Variants in CPA6 observed in about 807,000 individuals in gnomAD.
The protein encoded by CPA6 is carboxypeptidase B.
In CPA6, 58 loss-of-function variants were observed where a neutral mutation model predicts 63.3. The observed-to-expected ratio is 0.92, with a 90% CI of 0.74 to 1.14. The LOEUF is 1.14. Ranked by LOEUF, CPA6 falls within the 50% of genes most tolerant of loss-of-function variation. The probability of loss-of-function intolerance (pLI) is 0.00; values close to 1 mark genes in which losing one functional copy is unlikely to be tolerated. For missense variants in CPA6, 565 were observed against 526.6 expected, an observed-to-expected ratio of 1.07 and a Z score of -0.71; for synonymous variants, 185 against 179.0, an observed-to-expected ratio of 1.03 and a Z score of -0.27.
At chr8:67,564,266 A>C (rs1380031469) in intron 2 of CPA6, among the ~76,000 whole-genome samples, 1 of 152,174 alleles carries the variant, frequency 6.6e-6, no homozygotes, top group Non-Finnish European at 1.5e-5. Context: ...AGAGGTCTAT[A>C]GTGGTAAAAC....
intron 2 of CPA6, among the ~76,000 whole-genome samples, chr8:67,548,132 CCTCT>C (rs1384248871): frequency 1.7e-3 from 78 of 46,598 alleles, no homozygotes; most frequent in African/African-American, 4.3e-3. Flanking sequence ...TCCCTCCCTT[CCTCT>C]CTCTCTCTCT....
intron 2 of CPA6, among the ~76,000 whole-genome samples, chr8:67,555,349 C>A (rs1158594298): frequency 6.6e-6 from 1 of 152,158 alleles, no homozygotes. Context: ...ATGATTTAAT[C>A]AATCACGTCT....
chr8:67,499,713 A>G (rs1811794465), intron 6 of CPA6, among the ~76,000 whole-genome samples: 1 of 152,154 alleles, frequency 6.6e-6, no homozygotes, highest in Non-Finnish European at 1.5e-5. Flanking sequence ...TAATTTTGTC[A>G]TTTAGAGAAC....
chr8:67,439,990 C>T (rs778549359), intron 8 of CPA6, among the ~76,000 whole-genome samples: 7 of 152,140 alleles, frequency 4.6e-5, no homozygotes, highest in Non-Finnish European at 1.0e-4. Flanking sequence ...GTAGATATTC[C>T]AGATGTCTAC....
intron 2 of CPA6, among the ~76,000 whole-genome samples, chr8:67,549,966 T>C (rs2380415): frequency 0.53 from 81,286 of 152,146 alleles, 25,766 homozygotes; most frequent in East Asian, 0.72. Flanking sequence ...AAGTATCTCT[T>C]TGAGATCCTG....
Position 67,449,584 on chromosome 8 carries a change from T to A in CPA6, c.839-15344A>T, listed in dbSNP as rs1337832309. 2.0e-5 allele frequency among the ~76,000 whole-genome samples: 3 copies of A among 152,188 alleles called. No individual in the cohort carries two copies. The East Asian group carries it at 5.8e-4, about 29-fold the overall frequency. ...GGGAGGATTTTATTATATTGAGTCG[T>A]CCTATCCAAGGACAGTTTTATGCCG... On this transcript the variant is annotated intron_variant, in intron 8 of 10. Coordinates refer to ENST00000297770, the MANE Select transcript of CPA6 (RefSeq NM_020361.5).
intron 1 of CPA6, among the ~76,000 whole-genome samples, chr8:67,662,587 GTATA>G (rs1415192549): frequency 1.8e-5 from 2 of 113,172 alleles, no homozygotes; most frequent in Non-Finnish European, 3.4e-5. Flanking sequence ...ACATGTATAT[GTATA>G]TATAGAATAC....
At chr8:67,508,337 ATTGGG>A (rs1811975572) in intron 5 of CPA6, among the ~76,000 whole-genome samples, 1 of 152,116 alleles carries the variant, frequency 6.6e-6, no homozygotes, top group Admixed American at 6.6e-5. Context: ...ATGTTTCTGA[ATTGGG>A]AGGAGAGGGA....
At chr8:67,509,434 A>G (rs539008510) in intron 5 of CPA6, 83 bp downstream of exon 5, 1 of 660,520 alleles carries the variant, frequency 1.5e-6, no homozygotes, top group East Asian at 2.8e-5. Flanking sequence ...AGATCATTTC[A>G]TTTCTTTTCC....
chr8:67,448,193 C>G (rs1471965616), intron 8 of CPA6, among the ~76,000 whole-genome samples: 2 of 152,236 alleles, frequency 1.3e-5, no homozygotes, highest in African/African-American at 2.4e-5. Context: ...AGCTATTAAT[C>G]TTTTCCTTAC....
chr8:67,593,204 T>C (rs1425132368), intron 2 of CPA6, among the ~76,000 whole-genome samples: 6 of 150,750 alleles, frequency 4.0e-5, no homozygotes, highest in Non-Finnish European at 7.4e-5. Flanking sequence ...TTTGAGTGAG[T>C]TTCTTAATCC....
intron 2 of CPA6, among the ~76,000 whole-genome samples, chr8:67,545,893 A>G (rs1330445353): frequency 6.6e-6 from 1 of 151,970 alleles, no homozygotes; most frequent in Non-Finnish European, 1.5e-5. Context: ...GCAGCCACCT[A>G]CTGAAAAATC....
At chr8:67,602,808 C>A (rs1814530001) in intron 2 of CPA6, among the ~76,000 whole-genome samples, 1 of 152,176 alleles carries the variant, frequency 6.6e-6, no homozygotes, top group Admixed American at 6.5e-5. Flanking sequence ...TGTTCCCCAG[C>A]AGAAACTGAG....
At chr8:67,557,698 C>T (rs1813097040) in intron 2 of CPA6, among the ~76,000 whole-genome samples, 1 of 152,192 alleles carries the variant, frequency 6.6e-6, no homozygotes, top group Non-Finnish European at 1.5e-5. Flanking sequence ...ATTCTGGCTC[C>T]ATAGGAGTCT....
intron 1 of CPA6, among the ~76,000 whole-genome samples, chr8:67,739,779 C>A (rs545888078): frequency 6.6e-6 from 1 of 152,270 alleles, no homozygotes; most frequent in East Asian, 1.9e-4. Flanking sequence ...TAGTCGACAA[C>A]AGGGAGCCAA....
intron 2 of CPA6, among the ~76,000 whole-genome samples, chr8:67,589,741 A>C (rs1012828873): frequency 6.6e-6 from 1 of 152,134 alleles, no homozygotes; most frequent in African/African-American, 2.4e-5. Flanking sequence ...CTAGGTCAAG[A>C]AGCAAAACAT....
At chr8:67,475,556 T>G (rs1373077037) in intron 8 of CPA6, among the ~76,000 whole-genome samples, 1 of 152,206 alleles carries the variant, frequency 6.6e-6, no homozygotes, top group East Asian at 1.9e-4. Flanking sequence ...TTGGGATGTT[T>G]GCTGGTCTCT....
At chr8:67,657,518 G>T (rs1302869566) in intron 1 of CPA6, among the ~76,000 whole-genome samples, 3 of 152,130 alleles carry the variant, frequency 2.0e-5, no homozygotes, top group Non-Finnish European at 4.4e-5. Context: ...ATGATAAATT[G>T]TTCAACCCAT....
chr8:67,710,958 T>A (rs1441914983), intron 1 of CPA6, among the ~76,000 whole-genome samples: 1 of 152,206 alleles, frequency 6.6e-6, no homozygotes, highest in Non-Finnish European at 1.5e-5. Context: ...AAATACAAAG[T>A]AATGCTCTCC....
Sources: allele counts gnomAD v4.1 joint callset (sites outside exome capture counted in the v4.1 genomes callset), GRCh38; gene constraint gnomAD v4.1.1; transcripts MANE v1.5; gene names NCBI Gene and HGNC (gene_info 2026-07-23, HGNC 2026-07-21).